DOCK8: variants seen among roughly 807,000 people sequenced by gnomAD.
The protein encoded by DOCK8 is dedicator of cytokinesis protein 8.
Under a neutral mutation model 245.6 loss-of-function variants are expected in DOCK8, and 141 were observed. That is an observed-to-expected ratio of 0.57 (90% confidence interval 0.50 to 0.66). The LOEUF (loss-of-function observed/expected upper bound fraction) is 0.66, where lower values mean the gene tolerates loss of function less well. DOCK8 is among the 30% of genes least tolerant of loss of function. The pLI is 0.00. For synonymous variants in DOCK8, 1,168 were observed against 970.2 expected (o/e 1.20, Z -3.79); for missense variants, 2,965 against 2,603.4 (o/e 1.14, Z -3.02).
chr9:311,302 T>G (rs940470736), intron 5 of DOCK8, among the ~76,000 whole-genome samples: 8 of 136,114 alleles, frequency 5.9e-5, no homozygotes, highest in Admixed American at 4.6e-4. Flanking sequence ...AAAAAAAAGG[T>G]AATCATACCT....
chr9:267,167 CTCTG>C (rs1227641054), intron 1 of DOCK8, among the ~76,000 whole-genome samples: 3 of 152,142 alleles, frequency 2.0e-5, no homozygotes, highest in South Asian at 2.1e-4. Flanking sequence ...AAGTAGTACG[CTCTG>C]TCTGCACACT....
intron 9 of DOCK8, among the ~76,000 whole-genome samples, chr9:330,382 G>A (rs1472923698): frequency 6.6e-6 from 1 of 152,146 alleles, no homozygotes; most frequent in Admixed American, 6.6e-5. Context: ...ACAAAGCAGA[G>A]AGCCTAGCAC....
At chr9:212,414 G>C (rs182597355), upstream of DOCK8, among the ~76,000 whole-genome samples, 154 of 152,268 alleles carry the variant, frequency 1.0e-3, no homozygotes, top group East Asian at 2.9e-3. Context: ...AAGGCCAAGA[G>C]AGACCATCAG....
chr9:367,956 A>G lies in DOCK8; in HGVS notation c.1680-62A>G, dbSNP rs558316699. ...TGAATGGAAGTCTCAGCATTTGCTGAAGAACTTAGTTAAAATAAACTCTAG... is the reference window on the plus strand; with the variant it reads ...TGAATGGAAGTCTCAGCATTTGCTGGAGAACTTAGTTAAAATAAACTCTAG... On this transcript the variant is annotated intron_variant, in intron 14 of 47. Transcript: ENST00000432829. The G allele has an allele frequency of 1.2e-5, 17 of 1,382,180 alleles. No individual in the cohort carries two copies. In the African/African-American group the frequency reaches 1.3e-4, roughly 10 times the overall value. 85.6% of individuals were successfully genotyped at this position (1,382,180 alleles called of 1,614,324 possible).
intron 12 of DOCK8, among the ~76,000 whole-genome samples, chr9:337,965 C>G (rs1333152426): frequency 6.6e-6 from 1 of 152,068 alleles, no homozygotes; most frequent in Non-Finnish European, 1.5e-5. Context: ...ACCAGCCTGG[C>G]CAACATGGTG....
At chr9:261,250 C>T (rs758685652) in intron 1 of DOCK8, among the ~76,000 whole-genome samples, 3 of 152,176 alleles carry the variant, frequency 2.0e-5, no homozygotes, top group Non-Finnish European at 2.9e-5. Context: ...AATAGAATAG[C>T]TTATATAACT....
intron 10 of DOCK8, among the ~76,000 whole-genome samples, chr9:333,340 A>AC (rs1477666057): frequency 1.3e-5 from 2 of 152,170 alleles, no homozygotes; most frequent in Non-Finnish European, 2.9e-5. Flanking sequence ...GGTGGCTCAC[A>AC]CCTGTAATCC....
intron 39 of DOCK8, 38 bp downstream of exon 39, chr9:435,013 C>G (rs777570847): frequency 1.2e-6 from 2 of 1,607,096 alleles, no homozygotes; most frequent in Admixed American, 1.7e-5. Context: ...AGCAGTGGTT[C>G]TCAACTGGGG....
intron 14 of DOCK8, among the ~76,000 whole-genome samples, chr9:356,629 A>G (rs555690369): frequency 7.2e-5 from 11 of 152,188 alleles, no homozygotes; most frequent in African/African-American, 2.6e-4. Context: ...TCTTCCCCAA[A>G]GCAGTGCTTC....
Position 370,244 on chromosome 9 carries a change from A to G in DOCK8, c.1812A>G (p.Lys604=), listed in dbSNP as rs913703. The change falls in exon 16 of 48, where the codon AAA becomes AAG. Residue 604 remains lysine, a synonymous_variant. Coordinates refer to ENST00000432829, the MANE Select transcript of DOCK8 (RefSeq NM_203447.4). ...CTGGTGAACAGGTCATCTTTGGAAA[A>G]TCCAGCGGGCCTGAATTTCTGCAGG... ...ASNAMPVIFG[K]SSGPEFLQEV... is the part of the protein sequence containing the mutation. 377,492 of 1,611,044 alleles carry G rather than the reference A, an allele frequency of 0.23. 45,786 individuals carry two copies. The highest frequency in any genetic ancestry group is 0.28 in the Middle Eastern group (1,682 of 6,050).
intron 1 of DOCK8, among the ~76,000 whole-genome samples, chr9:252,387 C>T (rs1563842441): frequency 6.6e-6 from 1 of 152,070 alleles, no homozygotes; most frequent in African/African-American, 2.4e-5. Flanking sequence ...CAAGATCACA[C>T]AATTAGTAGA....
chr9:346,538 C>T (rs1400612815), intron 14 of DOCK8, among the ~76,000 whole-genome samples: 3 of 152,190 alleles, frequency 2.0e-5, no homozygotes, highest in African/African-American at 7.2e-5. Flanking sequence ...CTCACTTCAG[C>T]CCCCGAGAGC....
At chr9:271,218 G>A (rs367898228) in intron 1 of DOCK8, among the ~76,000 whole-genome samples, 4 of 152,212 alleles carry the variant, frequency 2.6e-5, no homozygotes, top group African/African-American at 9.6e-5. Context: ...GGGTTCAGCT[G>A]CTTGAAATGA....
intron 2 of DOCK8, among the ~76,000 whole-genome samples, chr9:282,160 C>T (rs1007298966): frequency 2.0e-5 from 3 of 152,150 alleles, no homozygotes; most frequent in African/African-American, 7.2e-5. Context: ...TTCACCACCT[C>T]ATGGTTTATT....
intron 5 of DOCK8, among the ~76,000 whole-genome samples, chr9:310,704 G>T (rs559618667): frequency 6.6e-6 from 1 of 152,072 alleles, no homozygotes; most frequent in Non-Finnish European, 1.5e-5. Flanking sequence ...CAGGTGATCC[G>T]CCCACCTCGG....
chr9:265,603 TATAGAC>T (rs2048018745), intron 1 of DOCK8, among the ~76,000 whole-genome samples: 1 of 152,332 alleles, frequency 6.6e-6, no homozygotes, highest in South Asian at 2.1e-4. Context: ...TTTCAATACT[TATAGAC>T]AAAGTTTTTT....
intron 40 of DOCK8, 52 bp downstream of exon 40, chr9:439,440 C>T: frequency 6.2e-7 from 1 of 1,605,064 alleles, no homozygotes; most frequent in Non-Finnish European, 8.5e-7. Flanking sequence ...TCCAGCTGGA[C>T]TTGGGGTGCT....
intron 22 of DOCK8, among the ~76,000 whole-genome samples, chr9:382,948 C>T (rs953389620): frequency 6.6e-6 from 1 of 151,974 alleles, no homozygotes; most frequent in African/African-American, 2.4e-5. Flanking sequence ...GGTTTAGCCA[C>T]ATGGAGTCAT....
In DOCK8 at chr9:464,344, T is replaced by C; in HGVS notation, c.*125T>C. 1 of 854,658 alleles carries C rather than the reference T, an allele frequency of 1.2e-6. No homozygotes were observed. The highest frequency in any genetic ancestry group is 2.0e-6 in the Non-Finnish European group (1 of 498,902). 52.9% of individuals were successfully genotyped at this position (854,658 alleles called of 1,614,324 possible). A position where few individuals can be genotyped will look rare whatever the true frequency, so the allele number is the denominator to read the frequency against. On this transcript the variant is annotated 3_prime_UTR_variant, in exon 48 of 48. Coordinates refer to ENST00000432829, the MANE Select transcript of DOCK8 (RefSeq NM_203447.4). ...TACACTCCCTGATCAGCCAGCACTC[T>C]GGAAGCTTTGGGATCCCAGGAACCA... is the stretch of plus-strand genomic sequence containing the variant.
Sources: gnomAD v4.1 joint callset for allele counts (sites outside exome capture counted in the v4.1 genomes callset) on GRCh38, gnomAD v4.1.1 for gene constraint, MANE v1.5 for transcripts, NCBI Gene and HGNC (gene_info 2026-07-23, HGNC 2026-07-21) for gene names.